ANKRD13C: variants seen among roughly 807,000 people sequenced by gnomAD.
ANKRD13C encodes ankyrin repeat domain-containing protein 13C.
A neutral mutation model predicts 65.5 loss-of-function variants in ANKRD13C; 16 were observed. The observed-to-expected ratio is 0.24, with a 90% CI of 0.17 to 0.37. The LOEUF is 0.37. ANKRD13C is among the 10% of genes least tolerant of loss of function. The pLI is 1.00. For synonymous variants in ANKRD13C, 235 were observed against 238.7 expected (o/e 0.98, Z 0.14); for missense variants, 503 against 655.9 (o/e 0.77, Z 2.55).
intron 1 of ANKRD13C, among the ~76,000 whole-genome samples, chr1:70,340,386 T>C (rs2101608429): frequency 6.6e-6 from 1 of 152,328 alleles, no homozygotes; most frequent in South Asian, 2.1e-4. Context: ...CTTATCTGCA[T>C]TGCGATCAGA....
At chr1:70,278,209 C>T (rs1302231884) in intron 9 of ANKRD13C, among the ~76,000 whole-genome samples, 2 of 143,050 alleles carry the variant, frequency 1.4e-5, no homozygotes, top group Non-Finnish European at 3.1e-5. Context: ...AAAAAAAGAA[C>T]TGGCCAGGCG....
chr1:70,267,770 T>C (rs1176055248), intron 12 of ANKRD13C, among the ~76,000 whole-genome samples: 1 of 152,158 alleles, frequency 6.6e-6, no homozygotes, highest in Non-Finnish European at 1.5e-5. Context: ...TTTTGAGTTA[T>C]CTCTTTTTAC....
chr1:70,297,093 CCTAA>C (rs1420142016), intron 7 of ANKRD13C, among the ~76,000 whole-genome samples: 2 of 151,708 alleles, frequency 1.3e-5, no homozygotes, highest in Admixed American at 6.6e-5. Context: ...AGAAAGATAC[CCTAA>C]CTAATATTTA....
chr1:70,338,761 T>A (rs1231503671), intron 1 of ANKRD13C, among the ~76,000 whole-genome samples: 1 of 152,104 alleles, frequency 6.6e-6, no homozygotes, highest in Admixed American at 6.6e-5. Flanking sequence ...GTGGGTCAGA[T>A]TCATAAACTA....
intron 3 of ANKRD13C, among the ~76,000 whole-genome samples, chr1:70,322,089 TA>T (rs1370854012): frequency 6.6e-6 from 1 of 151,980 alleles, no homozygotes; most frequent in East Asian, 1.9e-4. Context: ...CCGAGGCAAG[TA>T]GATTACCTGA....
chr1:70,274,843 T>A, intron 10 of ANKRD13C, 25 bp from the exon 11 acceptor site: 2 of 1,497,490 alleles, frequency 1.3e-6, no homozygotes, highest in Non-Finnish European at 1.9e-6. Flanking sequence ...AAAAAAATGT[T>A]AGGAAACTTT....
chr1:70,294,512 T>A (rs1001379611), intron 8 of ANKRD13C, among the ~76,000 whole-genome samples: 4 of 151,926 alleles, frequency 2.6e-5, no homozygotes, highest in African/African-American at 9.7e-5. Context: ...CCTAATCTAA[T>A]CAGTTTGAAG....
At chr1:70,331,944 GT>G (rs1681826139) in intron 2 of ANKRD13C, among the ~76,000 whole-genome samples, 1 of 149,820 alleles carries the variant, frequency 6.7e-6, no homozygotes, top group South Asian at 2.1e-4. Flanking sequence ...TTTCAAGTTT[GT>G]TTGAGTTATT....
At chr1:70,283,643 C>G (rs774789585) in intron 9 of ANKRD13C, among the ~76,000 whole-genome samples, 1 of 151,678 alleles carries the variant, frequency 6.6e-6, no homozygotes, top group Non-Finnish European at 1.5e-5. Context: ...GATGAAACCC[C>G]GTCTCTACTA....
chr1:70,342,772 A>ACAC (rs55696915), intron 1 of ANKRD13C, among the ~76,000 whole-genome samples: 1 of 151,122 alleles, frequency 6.6e-6, no homozygotes. Flanking sequence ...ACACACACAC[A>ACAC]AAATAACACT....
At chr1:70,270,447 A>G (rs1572021237) in intron 12 of ANKRD13C, among the ~76,000 whole-genome samples, 1 of 152,302 alleles carries the variant, frequency 6.6e-6, no homozygotes, top group East Asian at 1.9e-4. Context: ...TTAAAACAGC[A>G]GCCCCCAACC....
intron 9 of ANKRD13C, among the ~76,000 whole-genome samples, chr1:70,286,609 A>G (rs1679632504): frequency 6.6e-6 from 1 of 152,244 alleles, no homozygotes; most frequent in African/African-American, 2.4e-5. Flanking sequence ...TAAAAGAAAT[A>G]AGAACAGGCA....
intron 5 of ANKRD13C, among the ~76,000 whole-genome samples, chr1:70,306,522 C>T (rs1052171081): frequency 6.6e-6 from 1 of 152,012 alleles, no homozygotes; most frequent in Non-Finnish European, 1.5e-5. Flanking sequence ...CCCATCCCAC[C>T]CACAAACAAG....
At chr1:70,319,834 G>A (rs568000486) in intron 3 of ANKRD13C, among the ~76,000 whole-genome samples, 1 of 152,024 alleles carries the variant, frequency 6.6e-6, no homozygotes, top group East Asian at 1.9e-4. Flanking sequence ...AAATACTTCA[G>A]AATGCCACAG....
intron 3 of ANKRD13C, among the ~76,000 whole-genome samples, chr1:70,321,850 G>T (rs1339606043): frequency 6.6e-6 from 1 of 152,098 alleles, no homozygotes; most frequent in Non-Finnish European, 1.5e-5. Context: ...GTACAAGAAT[G>T]TTAGCAAAAT....
intron 3 of ANKRD13C, among the ~76,000 whole-genome samples, chr1:70,318,680 T>G (rs946258269): frequency 1.3e-4 from 1 of 7,540 alleles, no homozygotes; most frequent in Admixed American, 1.8e-3. Flanking sequence ...TCAATCTTTG[T>G]TTTTTTTTTT....
intron 1 of ANKRD13C, among the ~76,000 whole-genome samples, chr1:70,347,967 A>G (rs950262700): frequency 3.1e-4 from 47 of 152,160 alleles, no homozygotes; most frequent in African/African-American, 1.1e-3. Flanking sequence ...TACAAAACAC[A>G]AAGCAAACAA....
intron 6 of ANKRD13C, chr1:70,305,786 C>T (rs1175676390): frequency 6.6e-6 from 1 of 152,076 alleles, no homozygotes; most frequent in Non-Finnish European, 1.5e-5. Flanking sequence ...TGAACGGATA[C>T]ACGGATTAGT....
chr1:70,354,601 G>T lies in ANKRD13C; in HGVS notation c.-193C>A. 7.5e-7 allele frequency: 1 copy of T among 1,329,024 alleles called. No homozygotes were observed. The highest frequency in any genetic ancestry group is 1.0e-6 in the Non-Finnish European group (1 of 1,004,414). The allele number at this position is 1,329,024 out of a possible 1,614,324, so 82.3% of individuals were successfully genotyped here. On this transcript the variant is annotated 5_prime_UTR_variant, in exon 1 of 13. Coordinates refer to ENST00000370944, the MANE Select transcript of ANKRD13C (RefSeq NM_030816.5). ...GGCTCTCGCCTAGGCACGAAGGGACGCGCGCTCGCTGGGGGAAGCTAGAAC... is the reference window on the plus strand; with the variant it reads ...GGCTCTCGCCTAGGCACGAAGGGACTCGCGCTCGCTGGGGGAAGCTAGAAC...
Sources: allele counts gnomAD v4.1 joint callset (sites outside exome capture counted in the v4.1 genomes callset), GRCh38; gene constraint gnomAD v4.1.1; transcripts MANE v1.5; gene names NCBI Gene and HGNC (gene_info 2026-07-23, HGNC 2026-07-21).